The following LUZP2 variants were observed in gnomAD, a reference collection of about 807,000 sequenced individuals.
The protein encoded by LUZP2 is leucine zipper protein 2.
Under a neutral mutation model 51.6 loss-of-function variants are expected in LUZP2, and 52 were observed. The observed-to-expected ratio is 1.01, with a 90% CI of 0.81 to 1.27. The LOEUF (loss-of-function observed/expected upper bound fraction) is 1.27. LUZP2 is among the 50% of genes most tolerant of loss of function. The pLI, the probability that LUZP2 is intolerant of heterozygous loss-of-function variation, is 0.00. For missense variants in LUZP2, 436 were observed against 395.4 expected, an observed-to-expected ratio of 1.10 and a Z score of -0.87; for synonymous variants, 154 against 137.3, an observed-to-expected ratio of 1.12 and a Z score of -0.85.
chr11:24,867,132 T>G (rs187896302), intron 5 of LUZP2, among the ~76,000 whole-genome samples: 2 of 152,242 alleles, frequency 1.3e-5, no homozygotes. Context: ...CTTCAAGAGA[T>G]AAATTAATAA....
At chr11:24,855,778 G>A (rs1327147677) in intron 5 of LUZP2, among the ~76,000 whole-genome samples, 1 of 151,964 alleles carries the variant, frequency 6.6e-6, no homozygotes, top group Non-Finnish European at 1.5e-5. Context: ...TAGAACAATG[G>A]AGAAGAGAAA....
intron 5 of LUZP2, among the ~76,000 whole-genome samples, chr11:24,768,354 C>T (rs563343465): frequency 6.6e-6 from 1 of 152,132 alleles, no homozygotes; most frequent in Admixed American, 6.6e-5. Context: ...AGGTGATCCA[C>T]CCGCCTTGGC....
At chr11:24,931,028 A>G (rs921456720) in intron 7 of LUZP2, among the ~76,000 whole-genome samples, 1 of 151,866 alleles carries the variant, frequency 6.6e-6, no homozygotes, top group Admixed American at 6.6e-5. Context: ...CCTGGCCAAC[A>G]TGGTGAAACC....
intron 5 of LUZP2, among the ~76,000 whole-genome samples, chr11:24,801,564 A>G (rs1849698384): frequency 6.6e-6 from 1 of 151,928 alleles, no homozygotes; most frequent in Admixed American, 6.6e-5. Flanking sequence ...ACAGTTAATG[A>G]AAAAGAGATC....
chr11:25,036,185 T>G (rs1478605654), intron 9 of LUZP2, among the ~76,000 whole-genome samples: 2 of 152,148 alleles, frequency 1.3e-5, no homozygotes, highest in Non-Finnish European at 2.9e-5. Context: ...TCAATATCTT[T>G]CTGATTAAAT....
chr11:24,701,617 T>A (rs1452411769), intron 1 of LUZP2: 1 of 152,814 alleles, frequency 6.5e-6, no homozygotes, highest in Non-Finnish European at 1.5e-5. Context: ...TATTCCTTCT[T>A]GTACAGTCCA....
chr11:24,917,583 A>T (rs1327727321), intron 7 of LUZP2, among the ~76,000 whole-genome samples: 1 of 152,140 alleles, frequency 6.6e-6, no homozygotes, highest in Non-Finnish European at 1.5e-5. Flanking sequence ...ACCATTTATT[A>T]AATAGGGAAT....
At chr11:24,825,400 T>C (rs1332002003) in intron 5 of LUZP2, among the ~76,000 whole-genome samples, 1 of 152,104 alleles carries the variant, frequency 6.6e-6, no homozygotes, top group South Asian at 2.1e-4. Flanking sequence ...CCTTCCCCAT[T>C]TTCCCCTCTT....
chr11:25,062,587 C>CAA (rs1163708322), intron 10 of LUZP2, among the ~76,000 whole-genome samples: 18,353 of 42,792 alleles, frequency 0.43, 5,655 homozygotes, highest in Non-Finnish European at 0.62. Context: ...AAGACCCTGT[C>CAA]AAAAAAAAAA....
rs1195537207 is a variant in LUZP2 at position 24,741,927 on chromosome 11, TA to T, written c.333+3626del. ...TTTCTATATAATATATACATTTATA[TA>T]TTATATATAAATATATACATTTATA... On this transcript the variant is annotated intron_variant, in intron 4 of 11. Transcript: ENST00000336930. Among the ~76,000 whole-genome samples, 6 of 19,158 alleles carry T rather than the reference TA, an allele frequency of 3.1e-4. No individual in the cohort carries two copies. In the South Asian group the frequency reaches 0.01, roughly 33 times the overall value. 12.6% of individuals were successfully genotyped at this position (19,158 alleles called of 152,430 possible). A position where few individuals can be genotyped will look rare whatever the true frequency, so the allele number is the denominator to read the frequency against.
intron 5 of LUZP2, among the ~76,000 whole-genome samples, chr11:24,902,284 A>G (rs1001142165): frequency 3.9e-5 from 6 of 152,102 alleles, no homozygotes; most frequent in Non-Finnish European, 8.8e-5. Context: ...TGTACCCAAT[A>G]GTTATTTTTT....
intron 1 of LUZP2, among the ~76,000 whole-genome samples, chr11:24,521,068 T>A (rs776244683): frequency 1.6e-4 from 24 of 152,170 alleles, no homozygotes; most frequent in Non-Finnish European, 2.8e-4. Flanking sequence ...ACAGATTGTG[T>A]GGCTGGGCGT....
At chr11:24,792,510 T>C (rs1013379685) in intron 5 of LUZP2, among the ~76,000 whole-genome samples, 3 of 152,120 alleles carry the variant, frequency 2.0e-5, no homozygotes, top group African/African-American at 7.2e-5. Flanking sequence ...TGTGGAGTGC[T>C]GTGTTGGTTT....
intron 9 of LUZP2, among the ~76,000 whole-genome samples, chr11:24,994,636 A>C (rs1331217024): frequency 1.3e-5 from 2 of 152,310 alleles, no homozygotes; most frequent in East Asian, 3.9e-4. Flanking sequence ...TAAGTTTGAG[A>C]ATTACCTGCT....
intron 10 of LUZP2, among the ~76,000 whole-genome samples, chr11:25,057,003 G>A (rs991416102): frequency 9.9e-5 from 15 of 152,154 alleles, no homozygotes; most frequent in East Asian, 3.9e-4. Context: ...GAGAGGCTGA[G>A]GCAGGACAAT....
intron 7 of LUZP2, among the ~76,000 whole-genome samples, chr11:24,924,177 A>C (rs1297200871): frequency 6.6e-6 from 1 of 151,556 alleles, no homozygotes; most frequent in Admixed American, 6.6e-5. Context: ...TCCCGCGTTC[A>C]AGTGACTCTC....
At chr11:24,756,848 A>G (rs1457999704) in intron 4 of LUZP2, among the ~76,000 whole-genome samples, 1 of 152,176 alleles carries the variant, frequency 6.6e-6, no homozygotes, top group Admixed American at 6.5e-5. Context: ...CTCAGACACC[A>G]GTCTCAAGTC....
Position 24,539,260 on chromosome 11 carries a change from C to T in LUZP2, c.62+41955C>T, listed in dbSNP as rs1851281463. Among the ~76,000 whole-genome samples, 3 of 151,768 alleles carry T rather than the reference C, an allele frequency of 2.0e-5. No individual in the cohort carries two copies. The South Asian group carries it at 6.2e-4, about 32-fold the overall frequency. On this transcript the variant is annotated intron_variant, in intron 1 of 11. Coordinates refer to ENST00000336930, the MANE Select transcript of LUZP2 (RefSeq NM_001009909.4). ...ATATCTACCTGTAAGTCTTTTATTCCAATTATTTGTGATAATAGAATAAAG... is the reference window on the plus strand; with the variant it reads ...ATATCTACCTGTAAGTCTTTTATTCTAATTATTTGTGATAATAGAATAAAG...
At chr11:24,668,908 C>T (rs1444018646) in intron 1 of LUZP2, among the ~76,000 whole-genome samples, 1 of 152,022 alleles carries the variant, frequency 6.6e-6, no homozygotes, top group Admixed American at 6.6e-5. Flanking sequence ...TATTACATAC[C>T]ATTTTCCAAA....
Sources: allele counts gnomAD v4.1 joint callset (sites outside exome capture counted in the v4.1 genomes callset), GRCh38; gene constraint gnomAD v4.1.1; transcripts MANE v1.5; gene names NCBI Gene and HGNC (gene_info 2026-07-23, HGNC 2026-07-21).